SLC45A4: variants seen among roughly 807,000 people sequenced by gnomAD.
The protein encoded by SLC45A4 is solute carrier family 45 member 4, also known as polyamine-transporter SLC45A4.
A neutral mutation model predicts 63.7 loss-of-function variants in SLC45A4; 32 were observed. The ratio of observed to expected loss-of-function variants is 0.50; its 90% CI spans 0.38 to 0.67. The LOEUF (loss-of-function observed/expected upper bound fraction) is 0.67. SLC45A4 is among the 30% of genes least tolerant of loss of function. SLC45A4 has a pLI of 0.00. For missense variants in SLC45A4, 1,027 were observed against 1,157.7 expected, an observed-to-expected ratio of 0.89 and a Z score of 1.64; for synonymous variants, 535 against 510.0, an observed-to-expected ratio of 1.05 and a Z score of -0.66.
intron 1 of SLC45A4, among the ~76,000 whole-genome samples, chr8:141,259,541 T>C (rs914146681): frequency 1.3e-5 from 2 of 151,974 alleles, no homozygotes; most frequent in Admixed American, 1.3e-4. Context: ...CTCTTGCATC[T>C]CCTCCCGTGC....
At chr8:141,230,295 A>T (rs2154614307) in intron 2 of SLC45A4, 1 of 361,004 alleles carries the variant, frequency 2.8e-6, no homozygotes, top group South Asian at 2.1e-5. Flanking sequence ...ACCCCATCTC[A>T]ACAAGGGAGG....
At chr8:141,214,150 C>T (rs1304417475) in intron 7 of SLC45A4, among the ~76,000 whole-genome samples, 1 of 150,862 alleles carries the variant, frequency 6.6e-6, no homozygotes. Flanking sequence ...CGAGATTGCA[C>T]CACTGCACTC....
chr8:141,219,268 G>T (rs945366859), intron 4 of SLC45A4, among the ~76,000 whole-genome samples: 1 of 152,254 alleles, frequency 6.6e-6, no homozygotes, highest in African/African-American at 2.4e-5. Flanking sequence ...ACCCCAGGAC[G>T]GATGCAAGTG....
chr8:141,284,850 G>A (rs541922272), intron 1 of SLC45A4, among the ~76,000 whole-genome samples: 108 of 152,042 alleles, frequency 7.1e-4, no homozygotes, highest in Non-Finnish European at 1.3e-3. Context: ...CCTGACTGTG[G>A]AAGAGAACAG....
intron 1 of SLC45A4, among the ~76,000 whole-genome samples, chr8:141,291,278 C>A (rs757625815): frequency 6.6e-6 from 1 of 152,192 alleles, no homozygotes; most frequent in Non-Finnish European, 1.5e-5. Flanking sequence ...GAATCCATGA[C>A]CCAGAAAAGA....
chr8:141,301,189 G>T (rs987240602), intron 1 of SLC45A4, among the ~76,000 whole-genome samples: 7 of 152,158 alleles, frequency 4.6e-5, no homozygotes, highest in African/African-American at 1.7e-4. Flanking sequence ...AGATGTACCC[G>T]GTACCAGGGA....
intron 1 of SLC45A4, among the ~76,000 whole-genome samples, chr8:141,280,085 C>A (rs1829878129): frequency 6.6e-6 from 1 of 152,238 alleles, no homozygotes; most frequent in Non-Finnish European, 1.5e-5. Flanking sequence ...TCCCCAGGCA[C>A]CTCCTTGCAC....
intron 1 of SLC45A4, among the ~76,000 whole-genome samples, chr8:141,258,555 A>T (rs1000567635): frequency 2.6e-5 from 4 of 152,178 alleles, no homozygotes; most frequent in Admixed American, 2.6e-4. Context: ...CTCAGGGATC[A>T]GCTAAAGACT....
Position 141,217,075 on chromosome 8 carries a change from T to A in SLC45A4, c.1729+15A>T. ...TCTGGGGTGCGAGTGCTGACCTGAC[T>A]TGGGGAGCTCTTACCTGAACAAATA... On this transcript the variant is annotated intron_variant, in intron 6 of 8. Coordinates refer to ENST00000517878, the MANE Select transcript of SLC45A4 (RefSeq NM_001286646.2). 1 of 1,613,398 alleles carries A rather than the reference T, an allele frequency of 6.2e-7. No individual in the cohort carries two copies. Among genetic ancestry groups the A allele is most frequent in the Non-Finnish European group, 8.5e-7 (1 of 1,179,688 alleles).
intron 2 of SLC45A4, among the ~76,000 whole-genome samples, chr8:141,223,191 G>A (rs1826762573): frequency 6.6e-6 from 1 of 152,208 alleles, no homozygotes; most frequent in South Asian, 2.1e-4. Flanking sequence ...GATTTAAGGT[G>A]TTTGCTTTGA....
chr8:141,280,831 C>T (rs574442435), intron 1 of SLC45A4, among the ~76,000 whole-genome samples: 18 of 152,326 alleles, frequency 1.2e-4, no homozygotes, highest in Non-Finnish European at 1.8e-4. Context: ...GGTCCCTGTC[C>T]GGGCACCTCC....
chr8:141,295,558 T>C (rs1830514719), intron 1 of SLC45A4, among the ~76,000 whole-genome samples: 1 of 152,176 alleles, frequency 6.6e-6, no homozygotes, highest in African/African-American at 2.4e-5. Context: ...GCATCTAAGA[T>C]GCAAAGAAGC....
At chr8:141,249,476 C>T (rs1329935889) in intron 2 of SLC45A4, among the ~76,000 whole-genome samples, 4 of 152,198 alleles carry the variant, frequency 2.6e-5, no homozygotes, top group African/African-American at 7.2e-5. Flanking sequence ...CCAGACCATA[C>T]GCTGTGTGAT....
chr8:141,284,736 C>T (rs1348130040), intron 1 of SLC45A4, among the ~76,000 whole-genome samples: 1 of 152,150 alleles, frequency 6.6e-6, no homozygotes, highest in African/African-American at 2.4e-5. Context: ...TACCCCAGTA[C>T]AAAGCCTGCC....
At chr8:141,238,152 G>A (rs1312670301) in intron 2 of SLC45A4, among the ~76,000 whole-genome samples, 1 of 152,192 alleles carries the variant, frequency 6.6e-6, no homozygotes, top group African/African-American at 2.4e-5. Context: ...GGCAGCAGAC[G>A]CGTGCCCGAG....
At chr8:141,305,751 C>T (rs1830878326) in intron 1 of SLC45A4, among the ~76,000 whole-genome samples, 1 of 152,124 alleles carries the variant, frequency 6.6e-6, no homozygotes, top group Admixed American at 6.5e-5. Context: ...ACGGTCAGAA[C>T]GACAATCACA....
chr8:141,284,223 TG>T (rs1830060213), intron 1 of SLC45A4, among the ~76,000 whole-genome samples: 1 of 152,212 alleles, frequency 6.6e-6, no homozygotes, highest in Admixed American at 6.5e-5. Context: ...CTCTGAGGTC[TG>T]GGATGTAAGA....
rs551710273 is a variant in SLC45A4, at chr8:141,241,203, C to T, written c.241+12786G>A. On this transcript the variant is annotated intron_variant, in intron 2 of 8. Coordinates refer to ENST00000517878, the MANE Select transcript of SLC45A4 (RefSeq NM_001286646.2). ...CACAGCGTCACAAACGGCCAGGCTGCGGTGAGCAGTGGCTCTGCGGGCAGG... is the reference window on the plus strand; with the variant it reads ...CACAGCGTCACAAACGGCCAGGCTGTGGTGAGCAGTGGCTCTGCGGGCAGG... Among the ~76,000 whole-genome samples, 144 of 152,380 alleles carry T rather than the reference C, an allele frequency of 9.5e-4. 1 individual carries two copies. The highest frequency in any genetic ancestry group is 2.4e-3 in the Admixed American group (36 of 15,310).
intron 1 of SLC45A4, among the ~76,000 whole-genome samples, chr8:141,303,726 T>C (rs959406330): frequency 1.3e-5 from 2 of 152,184 alleles, no homozygotes; most frequent in Admixed American, 6.5e-5. Context: ...AAGGGACTTT[T>C]CAATGCAGCA....
Sources: allele counts gnomAD v4.1 joint callset (sites outside exome capture counted in the v4.1 genomes callset), GRCh38; gene constraint gnomAD v4.1.1; transcripts MANE v1.5; gene names NCBI Gene and HGNC (gene_info 2026-07-23, HGNC 2026-07-21).